EXT1: variants seen among roughly 807,000 people sequenced by gnomAD.
The protein encoded by EXT1 is exostosin glycosyltransferase 1, also known as exostosin-1.
EXT1 carries 20 observed loss-of-function variants against 82.5 expected under a neutral mutation model. The observed-to-expected ratio is 0.24, with a 90% CI of 0.17 to 0.35. The LOEUF (loss-of-function observed/expected upper bound fraction) is 0.35, where lower values mean the gene tolerates loss of function less well. Among genes scored for constraint, EXT1 ranks in the 10% least tolerant of loss-of-function variants. The probability of loss-of-function intolerance (pLI) is 1.00; values close to 1 mark genes in which losing one functional copy is unlikely to be tolerated. For missense variants in EXT1, 757 were observed against 936.5 expected (o/e 0.81, Z 2.50); for synonymous variants, 348 against 350.8 (o/e 0.99, Z 0.09).
chr8:118,017,116 T>C (rs1816018072), intron 1 of EXT1, among the ~76,000 whole-genome samples: 1 of 152,174 alleles, frequency 6.6e-6, no homozygotes, highest in African/African-American at 2.4e-5. Flanking sequence ...AAGATGTCCA[T>C]CATCTTGAAC....
In EXT1 at chr8:118,109,989, T is replaced by C; in HGVS notation, c.962+96A>G. The C allele has an allele frequency of 2.6e-6, 4 of 1,567,310 alleles. No homozygotes were observed. In the Admixed American group the frequency reaches 6.7e-5, roughly 26 times the overall value. On this transcript the variant is annotated intron_variant, in intron 1 of 10. Coordinates refer to ENST00000378204, the MANE Select transcript of EXT1 (RefSeq NM_000127.3). ...TCAAAGGGGAAAGAGGACTGAGGGCTCATCCGCCCTCACCCCATCCCCCAA... is the reference window on the plus strand; with the variant it reads ...TCAAAGGGGAAAGAGGACTGAGGGCCCATCCGCCCTCACCCCATCCCCCAA...
chr8:118,001,440 T>C (rs897280354), intron 1 of EXT1, among the ~76,000 whole-genome samples: 1 of 151,978 alleles, frequency 6.6e-6, no homozygotes, highest in East Asian at 1.9e-4. Flanking sequence ...CTGCCTCAGC[T>C]TCCCAAAGTG....
intron 1 of EXT1, among the ~76,000 whole-genome samples, chr8:117,912,023 G>A (rs1161475953): frequency 6.6e-6 from 1 of 152,172 alleles, no homozygotes; most frequent in Admixed American, 6.5e-5. Context: ...AAAGGAAGAA[G>A]AGTAGAAGAG....
Position 117,796,487 on chromosome 8 carries a change from A to G in EXT1, c.*3225T>C, listed in dbSNP as rs1328621591. ...ATAATACTCTTTCAAGTCACCAGGT[A>G]TTTGAGAACCACCAAAATAAAGGCT... On this transcript the variant is annotated 3_prime_UTR_variant, in exon 11 of 11. Transcript: ENST00000378204. The G allele has an allele frequency of 6.6e-6, 1 of 152,080 alleles. No individual in the cohort carries two copies. Among genetic ancestry groups the G allele is most frequent in the Non-Finnish European group, 1.5e-5 (1 of 68,006 alleles). The allele number at this position is 152,080 out of a possible 1,614,324, so 9.4% of individuals were successfully genotyped here. A position where few individuals can be genotyped will look rare whatever the true frequency, so the allele number is the denominator to read the frequency against.
chr8:117,894,808 G>A (rs1334482110), intron 1 of EXT1, among the ~76,000 whole-genome samples: 1 of 152,164 alleles, frequency 6.6e-6, no homozygotes, highest in African/African-American at 2.4e-5. Flanking sequence ...TGTGTTATAG[G>A]CAACACACTC....
chr8:117,800,862 A>G (rs1221806057), intron 10 of EXT1, among the ~76,000 whole-genome samples: 2 of 152,246 alleles, frequency 1.3e-5, no homozygotes, highest in Admixed American at 6.5e-5. Flanking sequence ...TGCCTTAATG[A>G]CTGGAGTGCT....
At chr8:118,052,869 T>C (rs1816740880) in intron 1 of EXT1, among the ~76,000 whole-genome samples, 2 of 152,202 alleles carry the variant, frequency 1.3e-5, no homozygotes, top group South Asian at 2.1e-4. Flanking sequence ...CCAAGGTACA[T>C]GGCTCCAGGA....
intron 1 of EXT1, among the ~76,000 whole-genome samples, chr8:117,929,861 A>C (rs1414524104): frequency 6.6e-6 from 1 of 152,224 alleles, no homozygotes; most frequent in Non-Finnish European, 1.5e-5. Flanking sequence ...TAATCGCAGC[A>C]CTTTGGGAGG....
At chr8:117,984,452 A>AC in intron 1 of EXT1, among the ~76,000 whole-genome samples, 1 of 151,180 alleles carries the variant, frequency 6.6e-6, no homozygotes, top group Non-Finnish European at 1.5e-5. Flanking sequence ...AACAAAACAA[A>AC]AAAAAAAAAC....
intron 1 of EXT1, among the ~76,000 whole-genome samples, chr8:117,959,108 T>C (rs898294150): frequency 2.0e-5 from 3 of 152,214 alleles, no homozygotes; most frequent in African/African-American, 7.2e-5. Context: ...ACATTGGACC[T>C]GAGAAATTCC....
intron 1 of EXT1, among the ~76,000 whole-genome samples, chr8:117,986,877 CTTAA>C (rs1452961709): frequency 6.6e-6 from 1 of 152,186 alleles, no homozygotes; most frequent in Admixed American, 6.5e-5. Flanking sequence ...AATGACTTTT[CTTAA>C]TTAACAATTA....
At chr8:117,805,530 A>T (rs1301204499) in intron 9 of EXT1, among the ~76,000 whole-genome samples, 1 of 152,244 alleles carries the variant, frequency 6.6e-6, no homozygotes, top group African/African-American at 2.4e-5. Context: ...ATTTATATAC[A>T]TATAGCATAT....
chr8:117,902,601 C>T (rs1286927094), intron 1 of EXT1, among the ~76,000 whole-genome samples: 1 of 152,178 alleles, frequency 6.6e-6, no homozygotes, highest in Non-Finnish European at 1.5e-5. Flanking sequence ...CTCACACCAG[C>T]ACTTTTATGG....
intron 1 of EXT1, among the ~76,000 whole-genome samples, chr8:117,861,984 A>G (rs1186673688): frequency 6.8e-6 from 1 of 145,986 alleles, no homozygotes; most frequent in African/African-American, 2.4e-5. Context: ...AGCCACGGAC[A>G]TTAGTGTGAA....
At chr8:117,935,436 T>C (rs1030378527) in intron 1 of EXT1, among the ~76,000 whole-genome samples, 5 of 151,244 alleles carry the variant, frequency 3.3e-5, no homozygotes, top group African/African-American at 1.2e-4. Flanking sequence ...TCCTCCTGCC[T>C]CAGCCTCCCA....
At chr8:117,969,142 T>TA (rs1228240544) in intron 1 of EXT1, among the ~76,000 whole-genome samples, 3 of 152,204 alleles carry the variant, frequency 2.0e-5, no homozygotes, top group African/African-American at 4.8e-5. Context: ...CCAAATCTTT[T>TA]ATGAGAAGCC....
intron 1 of EXT1, among the ~76,000 whole-genome samples, chr8:117,999,203 C>T (rs1815608500): frequency 6.6e-6 from 1 of 152,200 alleles, no homozygotes; most frequent in Non-Finnish European, 1.5e-5. Flanking sequence ...AAACATCTCT[C>T]ACTGCCTAAA....
rs151152758 is a variant in EXT1, at chr8:117,927,646, C to T, written c.963-90445G>A. Among the ~76,000 whole-genome samples the T allele has an allele frequency of 9.0e-3, 1,366 of 152,266 alleles. 10 individuals carry two copies. Among genetic ancestry groups the T allele is most frequent in the Non-Finnish European group, 0.015 (1,020 of 68,034 alleles). ...GCAAAAATAATAACACATTGTGAGA[C>T]AGTAACATACCACTCAATCTGCTTA... On this transcript the variant is annotated intron_variant, in intron 1 of 10. Coordinates refer to ENST00000378204, the MANE Select transcript of EXT1 (RefSeq NM_000127.3).
chr8:118,036,963 C>T (rs781397820), intron 1 of EXT1, among the ~76,000 whole-genome samples: 5 of 152,120 alleles, frequency 3.3e-5, no homozygotes, highest in African/African-American at 4.8e-5. Flanking sequence ...TCTAGGGGCA[C>T]GCAGCACACC....
Sources: gnomAD v4.1 joint callset for allele counts (sites outside exome capture counted in the v4.1 genomes callset) on GRCh38, gnomAD v4.1.1 for gene constraint, MANE v1.5 for transcripts, NCBI Gene and HGNC (gene_info 2026-07-23, HGNC 2026-07-21) for gene names.